MBD5: variants seen among roughly 807,000 people sequenced by gnomAD.
The protein encoded by MBD5 is methyl-CpG binding domain protein 5.
A neutral mutation model predicts 117.3 loss-of-function variants in MBD5; 13 were observed. That is an observed-to-expected ratio of 0.11 (90% CI 0.07 to 0.18). The LOEUF is 0.18. Among genes scored for constraint, MBD5 ranks in the 10% least tolerant of loss-of-function variants. The pLI is 1.00. For synonymous variants in MBD5, 727 were observed against 766.4 expected (o/e 0.95, Z 0.85); for missense variants, 1,879 against 2,093.8 (o/e 0.90, Z 2.00).
intron 4 of MBD5, among the ~76,000 whole-genome samples, chr2:148,383,773 G>A (rs1394506221): frequency 1.3e-5 from 2 of 152,086 alleles, no homozygotes; most frequent in Non-Finnish European, 2.9e-5. Flanking sequence ...TGATGAAGTG[G>A]GCTTCATCCC....
At chr2:148,111,109 G>T (rs1275394785) in intron 1 of MBD5, among the ~76,000 whole-genome samples, 1 of 152,078 alleles carries the variant, frequency 6.6e-6, no homozygotes, top group Non-Finnish European at 1.5e-5. Flanking sequence ...CATGTCCAAA[G>T]GACACAGAAG....
At chr2:148,093,721 A>T (rs1369248397) in intron 1 of MBD5, among the ~76,000 whole-genome samples, 1 of 152,170 alleles carries the variant, frequency 6.6e-6, no homozygotes, top group Non-Finnish European at 1.5e-5. Context: ...TTAAATATTC[A>T]GATATTGACA....
At chr2:148,155,169 G>C (rs912855806) in intron 1 of MBD5, among the ~76,000 whole-genome samples, 2 of 152,204 alleles carry the variant, frequency 1.3e-5, no homozygotes, top group Non-Finnish European at 2.9e-5. Flanking sequence ...CCAAGATGAG[G>C]ATAAAAGTTG....
At position 148,324,198 on chromosome 2, in the gene MBD5, C is replaced by T. The variant is rs560714247; in HGVS notation, c.-679-18016C>T. 6.6e-5 allele frequency among the ~76,000 whole-genome samples: 10 copies of T among 152,116 alleles called. No homozygotes were observed. In the South Asian group the frequency reaches 1.9e-3, roughly 28 times the overall value. The stretch of plus-strand genomic sequence containing the variant: ...GAGGGCTCTGTTCTGTTCCATTGAT[C>T]TATATCTCTGTTTTGGTACCAGTAC... On this transcript the variant is annotated intron_variant, in intron 3 of 13. Transcript: ENST00000642680.
At chr2:148,273,681 TAGAC>T (rs1701037236) in intron 3 of MBD5, among the ~76,000 whole-genome samples, 1 of 152,214 alleles carries the variant, frequency 6.6e-6, no homozygotes, top group Non-Finnish European at 1.5e-5. Context: ...TGAAAAACTC[TAGAC>T]ACCAAATTCT....
intron 4 of MBD5, among the ~76,000 whole-genome samples, chr2:148,440,576 G>A (rs911866938): frequency 7.2e-6 from 1 of 138,406 alleles, no homozygotes; most frequent in Non-Finnish European, 1.6e-5. Flanking sequence ...TATTTTAGGA[G>A]AGTAAAAAAA....
rs1559065373 is a variant in MBD5 at position 148,424,205 on chromosome 2, A to AAAC, written c.-556-33996_-556-33995insCAA. Among the ~76,000 whole-genome samples, 187 of 130,400 alleles carry AAAC rather than the reference A, an allele frequency of 1.4e-3. 4 individuals are homozygous for AAAC. The highest frequency in any genetic ancestry group is 5.6e-3 in the African/African-American group (183 of 32,676). The allele number at this position is 130,400 out of a possible 152,430, so 85.5% of individuals were successfully genotyped here. ...AAAAAAAAAAAAAAAAAAAAAAAAA[A>AAAC]AAAAAAAAAAACAGCAGAGGTCGTA... On this transcript the variant is annotated intron_variant, in intron 4 of 13. Transcript: ENST00000642680.
chr2:148,349,199 T>G (rs939229225), intron 4 of MBD5, among the ~76,000 whole-genome samples: 6 of 151,924 alleles, frequency 3.9e-5, no homozygotes, highest in Non-Finnish European at 7.4e-5. Context: ...TGGGGTACAT[T>G]TTAGTCCAAT....
At chr2:148,065,234 G>C (rs1471543614) in intron 1 of MBD5, among the ~76,000 whole-genome samples, 2 of 152,154 alleles carry the variant, frequency 1.3e-5, no homozygotes, top group Admixed American at 6.5e-5. Flanking sequence ...TGTATCAAGA[G>C]GGACCTAGCA....
intron 3 of MBD5, among the ~76,000 whole-genome samples, chr2:148,265,972 A>C (rs1700848591): frequency 6.6e-6 from 1 of 152,156 alleles, no homozygotes; most frequent in African/African-American, 2.4e-5. Flanking sequence ...TGGGAGGATT[A>C]AGAGGATAAT....
intron 3 of MBD5, chr2:148,295,653 A>AT (rs1179045613): frequency 2.6e-5 from 4 of 152,898 alleles, no homozygotes; most frequent in African/African-American, 4.8e-5. Flanking sequence ...TCGTGCATTC[A>AT]TTTTTTTCTA....
In MBD5 at chr2:148,489,925, C is replaced by A. The variant is rs1417120365; in HGVS notation, c.4293C>A (p.Asp1431Glu). The change falls in exon 11 of 14, where the codon GAC becomes GAA. Residue 1431 changes from aspartate to glutamate, a missense_variant. Coordinates refer to ENST00000642680, the MANE Select transcript of MBD5 (RefSeq NM_001378120.1). ...GCCACACATCCAAAAAACAGTGGGA[C>A]GGGGAGCAAAGCCCCAGAGGGGAGC... ...ASCHTSKKQW[D>E]GEQSPRGERN... 2 of 1,613,936 alleles carry A rather than the reference C, an allele frequency of 1.2e-6. No homozygotes were observed. Among genetic ancestry groups the A allele is most frequent in the South Asian group, 1.1e-5 (1 of 91,060 alleles).
At chr2:148,463,018 A>G (rs1342397715) in intron 6 of MBD5, among the ~76,000 whole-genome samples, 3 of 152,164 alleles carry the variant, frequency 2.0e-5, no homozygotes, top group Non-Finnish European at 4.4e-5. Context: ...CAAATCTGCA[A>G]TGTTATTGTT....
chr2:148,485,992 T>A, intron 10 of MBD5, 42 bp downstream of exon 10: 1 of 1,584,808 alleles, frequency 6.3e-7, no homozygotes, highest in Non-Finnish European at 8.7e-7. Context: ...AAACAATGTC[T>A]GAGTTTGTTT....
intron 3 of MBD5, among the ~76,000 whole-genome samples, chr2:148,319,176 C>G (rs1253842425): frequency 6.6e-6 from 1 of 152,160 alleles, no homozygotes; most frequent in East Asian, 1.9e-4. Context: ...AAACCGGAGT[C>G]AGGTCATGTG....
chr2:148,077,686 A>T (rs1358943308), intron 1 of MBD5, among the ~76,000 whole-genome samples: 1 of 152,186 alleles, frequency 6.6e-6, no homozygotes, highest in Non-Finnish European at 1.5e-5. Context: ...ACTCAAATTC[A>T]TAATAGAGGA....
intron 4 of MBD5, among the ~76,000 whole-genome samples, chr2:148,383,580 A>G (rs1287008792): frequency 5.3e-5 from 8 of 152,172 alleles, no homozygotes; most frequent in East Asian, 1.9e-4. Flanking sequence ...AATAGAAAAA[A>G]AGGGAATCCT....
chr2:148,070,693 T>C (rs1410208005), intron 1 of MBD5, among the ~76,000 whole-genome samples: 2 of 152,104 alleles, frequency 1.3e-5, no homozygotes, highest in African/African-American at 2.4e-5. Context: ...GTTTTTAGAA[T>C]TATAGAAAAG....
chr2:148,277,151 A>G (rs1469871801), intron 3 of MBD5, among the ~76,000 whole-genome samples: 1 of 152,160 alleles, frequency 6.6e-6, no homozygotes, highest in Non-Finnish European at 1.5e-5. Context: ...ATGAATAATA[A>G]TTATTAAGGT....
Sources: allele counts gnomAD v4.1 joint callset (sites outside exome capture counted in the v4.1 genomes callset), GRCh38; gene constraint gnomAD v4.1.1; transcripts MANE v1.5; gene names NCBI Gene and HGNC (gene_info 2026-07-23, HGNC 2026-07-21).